The following MSI2 variants were observed in gnomAD, a reference collection of about 807,000 sequenced individuals.
MSI2 encodes RNA-binding protein Musashi homolog 2.
MSI2 carries 17 observed loss-of-function variants against 45.6 expected under a neutral mutation model. That is an observed-to-expected ratio of 0.37 (90% CI 0.26 to 0.56). The LOEUF is 0.56. Among genes scored for constraint, MSI2 ranks in the 20% least tolerant of loss-of-function variants. The pLI is 0.77. For missense variants in MSI2, 293 were observed against 444.2 expected (o/e 0.66, Z 3.06); for synonymous variants, 156 against 158.2 (o/e 0.99, Z 0.11).
chr17:57,454,043 T>A (rs1450878966), intron 6 of MSI2, among the ~76,000 whole-genome samples: 1 of 152,232 alleles, frequency 6.6e-6, no homozygotes, highest in Non-Finnish European at 1.5e-5. Context: ...GGCTGATACC[T>A]GGCAGGAAGC....
intron 5 of MSI2, among the ~76,000 whole-genome samples, chr17:57,313,663 T>C (rs72830845): frequency 0.013 from 1,928 of 152,328 alleles, 24 homozygotes; most frequent in South Asian, 0.029. Flanking sequence ...CAGGGGAACT[T>C]GCTGAGAAGT....
chr17:57,256,465 G>C (rs1598031410), upstream of MSI2: 2 of 235,200 alleles, frequency 8.5e-6, no homozygotes, highest in African/African-American at 2.3e-5. Flanking sequence ...AGGAGATGGG[G>C]GTGGGGAGGA....
chr17:57,417,679 C>T (rs2084320946), intron 6 of MSI2, among the ~76,000 whole-genome samples: 1 of 152,158 alleles, frequency 6.6e-6, no homozygotes, highest in Non-Finnish European at 1.5e-5. Context: ...AATTCAGTCT[C>T]ATTATTGCCT....
intron 5 of MSI2, chr17:57,263,940 A>T (rs898942132): frequency 6.6e-6 from 1 of 152,180 alleles, no homozygotes; most frequent in Admixed American, 6.5e-5. Context: ...ACTTCACTTT[A>T]CGGAGGACTT....
rs1440326138 is a variant in MSI2 at position 57,256,793 on chromosome 17, G to A, written c.51G>A (p.Gln17=). The change falls in exon 1 of 14, where the codon CAG becomes CAA. Residue 17 remains glutamine (Q), a synonymous_variant. Coordinates refer to ENST00000284073, the MANE Select transcript of MSI2 (RefSeq NM_138962.4). The part of the protein sequence containing the change: ...QGTSGSANDS[Q]HDPGKMFIGG... Reference sequence around the variant, plus strand: ...CCTCGGGCAGCGCCAACGACTCCCAGCACGACCCCGGGTAAGTTTCCAGCC... The same window carrying A: ...CCTCGGGCAGCGCCAACGACTCCCAACACGACCCCGGGTAAGTTTCCAGCC... 3 of 1,477,792 alleles carry A rather than the reference G, an allele frequency of 2.0e-6. No homozygotes were observed. The allele number at this position is 1,477,792 out of a possible 1,614,324, so 91.5% of individuals were successfully genotyped here. A position where few individuals can be genotyped will look rare whatever the true frequency, so the allele number is the denominator to read the frequency against.
intron 5 of MSI2, among the ~76,000 whole-genome samples, chr17:57,329,147 G>A (rs1914056008): frequency 6.6e-6 from 1 of 152,002 alleles, no homozygotes; most frequent in Admixed American, 6.6e-5. Flanking sequence ...GAAGATGCTG[G>A]GATTGTGTGT....
At position 57,559,991 on chromosome 17, in the gene MSI2, C is replaced by T. The variant is rs77086181; in HGVS notation, c.454+30267C>T. Among the ~76,000 whole-genome samples, 550 of 152,352 alleles carry T rather than the reference C, an allele frequency of 3.6e-3. 2 individuals are homozygous for T. The highest frequency in any genetic ancestry group is 6.0e-3 in the Non-Finnish European group (405 of 68,042). On this transcript the variant is annotated intron_variant, in intron 7 of 13. Transcript: ENST00000284073. ...AGATCAGTTCTTCAGCAGGATGCTG[C>T]GGGTTTTCTGAGGCCCGTGGCCATC...
intron 10 of MSI2, among the ~76,000 whole-genome samples, chr17:57,646,330 C>T (rs1357339738): frequency 6.6e-6 from 1 of 152,166 alleles, no homozygotes; most frequent in East Asian, 1.9e-4. Flanking sequence ...CCAAAAGCAC[C>T]ATTGACTTCT....
chr17:57,447,364 G>A (rs1169916826), intron 6 of MSI2, among the ~76,000 whole-genome samples: 3 of 152,146 alleles, frequency 2.0e-5, no homozygotes, highest in African/African-American at 4.8e-5. Flanking sequence ...TCAGCCTCCC[G>A]AGTAACTGGG....
chr17:57,345,041 C>T (rs1271905894), intron 5 of MSI2, among the ~76,000 whole-genome samples: 12 of 151,846 alleles, frequency 7.9e-5, no homozygotes, highest in Admixed American at 2.0e-4. Context: ...CCAGCCTGGG[C>T]GACAGGGCGA....
chr17:57,335,967 C>A (rs1056574545), intron 5 of MSI2, among the ~76,000 whole-genome samples: 1 of 152,150 alleles, frequency 6.6e-6, no homozygotes, highest in Admixed American at 6.5e-5. Context: ...GGCATTTATT[C>A]GGTGTGCAAG....
At chr17:57,419,517 C>A (rs2084357794) in intron 6 of MSI2, among the ~76,000 whole-genome samples, 1 of 141,418 alleles carries the variant, frequency 7.1e-6, no homozygotes, top group African/African-American at 2.6e-5. Context: ...TGCTCATCAG[C>A]ATGCCTGGCT....
chr17:57,359,407 T>TC (rs1916670277), intron 5 of MSI2, among the ~76,000 whole-genome samples: 3 of 152,190 alleles, frequency 2.0e-5, no homozygotes, highest in African/African-American at 7.2e-5. Context: ...AGACAAAGGC[T>TC]CCAAGTCCAG....
intron 5 of MSI2, among the ~76,000 whole-genome samples, chr17:57,391,896 G>A (rs1567797253): frequency 6.6e-6 from 1 of 152,194 alleles, no homozygotes; most frequent in Non-Finnish European, 1.5e-5. Context: ...AAAGATTATG[G>A]GTTTTAATTG....
intron 11 of MSI2, among the ~76,000 whole-genome samples, chr17:57,660,670 G>C (rs958871313): frequency 6.6e-6 from 1 of 152,224 alleles, no homozygotes; most frequent in Non-Finnish European, 1.5e-5. Flanking sequence ...GTCAGGGAAT[G>C]TTTCACAGGG....
At chr17:57,326,563 G>T (rs1356263380) in intron 5 of MSI2, among the ~76,000 whole-genome samples, 2 of 152,208 alleles carry the variant, frequency 1.3e-5, no homozygotes, top group Non-Finnish European at 2.9e-5. Context: ...GAGGCCTCAT[G>T]ATTAACTGGC....
Position 57,677,012 on chromosome 17 carries a change from C to A in MSI2, c.971C>A (p.Thr324Lys). Reference protein sequence around the residue: ...IAGPLIATAFTNGYH With the variant: ...IAGPLIATAFKNGYH ...GGACCTTTGATTGCAACGGCCTTTACAAATGGATACCATTGAGCAGGTGCT... is the reference window on the plus strand; with the variant it reads ...GGACCTTTGATTGCAACGGCCTTTAAAAATGGATACCATTGAGCAGGTGCT... Residue 324 changes from threonine (T) to lysine (K), a missense_variant, in exon 13 of 14, where the codon ACA becomes AAA. Physicochemically the swap from Thr to Lys is moderately conservative, Grantham distance 78. Coordinates refer to ENST00000284073, the MANE Select transcript of MSI2 (RefSeq NM_138962.4). The A allele has an allele frequency of 6.2e-7, 1 of 1,613,746 alleles. No individual in the cohort carries two copies. Among genetic ancestry groups the A allele is most frequent in the East Asian group, 2.2e-5 (1 of 44,884 alleles).
At chr17:57,504,925 C>A (rs2086194699) in intron 6 of MSI2, among the ~76,000 whole-genome samples, 1 of 144,900 alleles carries the variant, frequency 6.9e-6, no homozygotes, top group Non-Finnish European at 1.5e-5. Flanking sequence ...AAGCGAAACT[C>A]CATTTAAAAA....
chr17:57,481,121 C>A (rs1273763080), intron 6 of MSI2, among the ~76,000 whole-genome samples: 1 of 152,186 alleles, frequency 6.6e-6, no homozygotes, highest in Non-Finnish European at 1.5e-5. Context: ...AGGCTGTTAA[C>A]CATTGTGGGT....
Sources: allele counts gnomAD v4.1 joint callset (sites outside exome capture counted in the v4.1 genomes callset), GRCh38; gene constraint gnomAD v4.1.1; transcripts MANE v1.5; gene names NCBI Gene and HGNC (gene_info 2026-07-23, HGNC 2026-07-21).